Variants in BRWD3 observed in about 807,000 individuals in gnomAD.
BRWD3 encodes the protein bromodomain and WD repeat-containing protein 3.
BRWD3 carries 10 observed loss-of-function variants against 149.7 expected under a neutral mutation model. That is an observed-to-expected ratio of 0.07 (90% CI 0.04 to 0.11). BRWD3 has a LOEUF of 0.11. BRWD3 is among the 10% of genes least tolerant of loss of function. The pLI, the probability that BRWD3 is intolerant of heterozygous loss-of-function variation, is 1.00. For synonymous variants in BRWD3, 504 were observed against 456.7 expected (o/e 1.10, Z -1.32); for missense variants, 940 against 1,373.2 (o/e 0.68, Z 4.99).
chrX:80,704,952 C>A (rs2072841073), intron 22 of BRWD3, 106 bp from the exon 23 acceptor site: 1 of 850,268 alleles, frequency 1.2e-6, no homozygotes, highest in Non-Finnish European at 1.7e-6. Flanking sequence ...AATGACATGG[C>A]TGGATTTTTT....
chrX:80,804,440 G>A (rs2074330762), intron 4 of BRWD3, among the ~76,000 whole-genome samples: 1 of 110,943 alleles, frequency 9.0e-6, no homozygotes, highest in Non-Finnish European at 1.9e-5. Context: ...CTTTTGCCAT[G>A]TTGGCCAGGC....
intron 14 of BRWD3, among the ~76,000 whole-genome samples, chrX:80,727,104 T>C (rs2073262262): frequency 9.1e-6 from 1 of 109,629 alleles, no homozygotes; most frequent in Admixed American, 9.8e-5. Context: ...ATCAGTAATG[T>C]CTTAAAATTT....
At chrX:80,704,237 CTT>C (rs1265313803) in intron 23 of BRWD3, among the ~76,000 whole-genome samples, 2 of 67,427 alleles carry the variant, frequency 3.0e-5, no homozygotes, top group Non-Finnish European at 7.0e-5. Context: ...GACCCCATCT[CTT>C]TAAAAAAAAC....
intron 6 of BRWD3, among the ~76,000 whole-genome samples, chrX:80,770,686 T>G (rs1298368043): frequency 8.9e-6 from 1 of 111,979 alleles, no homozygotes; most frequent in African/African-American, 3.2e-5. Flanking sequence ...CTTTGAAAAC[T>G]GGGACAAGAC....
intron 2 of BRWD3, 66 bp from the exon 3 acceptor site, chrX:80,809,108 C>T (rs961033297): frequency 2.0e-5 from 23 of 1,159,590 alleles, no homozygotes; most frequent in Non-Finnish European, 2.3e-5. Flanking sequence ...TCCCTCCACA[C>T]TTAAAGCCCA....
chrX:80,760,108 C>T (rs966685115), intron 6 of BRWD3, among the ~76,000 whole-genome samples: 2 of 112,069 alleles, frequency 1.8e-5, no homozygotes, highest in Non-Finnish European at 3.8e-5. Flanking sequence ...TACTTTGTTA[C>T]TTCATACCTA....
chrX:80,723,818 T>C lies in BRWD3; in HGVS notation c.1580A>G (p.His527Arg). ...TCCATGAGAATCTGTGCAGGCAAAA[T>C]GGTTTCCATCTGGTGAAAATTTACA... ...FDCKFSPDGNHFACTDSHGHL... is the reference protein window; with the variant it reads ...FDCKFSPDGNRFACTDSHGHL... Residue 527 changes from histidine (H) to arginine (R), a missense_variant, in exon 16 of 41, where the codon CAT becomes CGT. By Grantham distance (29) the His-to-Arg change is conservative. Around this residue, in one of 6 missense-constraint regions of BRWD3, gnomAD observed 209 missense variants for 396.8 expected, o/e 0.53. Coordinates refer to ENST00000373275, the MANE Select transcript of BRWD3 (RefSeq NM_153252.5). 1.7e-6 allele frequency: 2 copies of C among 1,210,719 alleles called. No homozygotes were observed. The highest frequency in any genetic ancestry group is 2.2e-6 in the Non-Finnish European group (2 of 894,438).
intron 22 of BRWD3, 113 bp downstream of exon 22, chrX:80,707,313 CT>C: frequency 2.7e-6 from 2 of 744,245 alleles, no homozygotes; most frequent in Non-Finnish European, 4.0e-6. Context: ...CAGCCAATAC[CT>C]TTTCTACTAT....
At position 80,674,510 on chromosome X, in the gene BRWD3, G is replaced by A. The variant is rs891006112; in HGVS notation, c.*2099C>T. ...GTTACTTAGATCAGGATAAGCCAAAGTATTATTGATTTCAGGAATACAGGC... is the reference window on the plus strand; with the variant it reads ...GTTACTTAGATCAGGATAAGCCAAAATATTATTGATTTCAGGAATACAGGC... On this transcript the variant is annotated 3_prime_UTR_variant, in exon 41 of 41. Coordinates refer to ENST00000373275, the MANE Select transcript of BRWD3 (RefSeq NM_153252.5). 17 of 111,398 alleles carry A rather than the reference G, an allele frequency of 1.5e-4. No homozygotes were observed. The highest frequency in any genetic ancestry group is 5.5e-4 in the African/African-American group (17 of 30,699). The allele number at this position is 111,398 out of a possible 1,213,427, so 9.2% of individuals were successfully genotyped here. A position where few individuals can be genotyped will look rare whatever the true frequency, so the allele number is the denominator to read the frequency against.
chrX:80,770,944 C>T (rs1303855613), intron 6 of BRWD3, among the ~76,000 whole-genome samples: 1 of 111,400 alleles, frequency 9.0e-6, no homozygotes, highest in Non-Finnish European at 1.9e-5. Context: ...CACAAGCATC[C>T]CTATACACCA....
At chrX:80,729,729 G>C (rs1303975040) in intron 13 of BRWD3, among the ~76,000 whole-genome samples, 187 bp downstream of exon 13, 1 of 111,635 alleles carries the variant, frequency 9.0e-6, no homozygotes, top group African/African-American at 3.2e-5. Context: ...AATCAGCAAT[G>C]TTCCTGTCAT....
At chrX:80,786,936 C>T (rs781778590) in intron 6 of BRWD3, among the ~76,000 whole-genome samples, 132 of 110,580 alleles carry the variant, frequency 1.2e-3, no homozygotes, top group African/African-American at 4.1e-3. Context: ...TATTTGCAGA[C>T]AACAGGGTTA....
chrX:80,685,075 C>T (rs1050970773), intron 36 of BRWD3, among the ~76,000 whole-genome samples: 1 of 111,549 alleles, frequency 9.0e-6, no homozygotes, highest in Non-Finnish European at 1.9e-5. Flanking sequence ...TATTCTAACA[C>T]AGTATGGCTT....
rs11390755 is a variant in BRWD3, at chrX:80,715,212, TA to T, written c.2325+944del. 1.2e-3 allele frequency among the ~76,000 whole-genome samples: 119 copies of T among 98,362 alleles called. 1 individual carries two copies. Among genetic ancestry groups the T allele is most frequent in the East Asian group, 5.6e-3 (18 of 3,193 alleles). The allele number at this position is 98,362 out of a possible 115,157, so 85.4% of individuals were successfully genotyped here. On this transcript the variant is annotated intron_variant, in intron 20 of 40. Transcript: ENST00000373275. ...GTGTTCTGAGTCATTCAAAATCTCT[TA>T]AAAAAAAAAAAACTTACCAGAGAAC...
chrX:80,722,294 C>T (rs777701042), intron 17 of BRWD3, among the ~76,000 whole-genome samples: 1 of 112,103 alleles, frequency 8.9e-6, no homozygotes, highest in Non-Finnish European at 1.9e-5. Flanking sequence ...CAGCTTCATA[C>T]ATATATAAGG....
At chrX:80,741,235 G>A (rs2073492854) in intron 8 of BRWD3, among the ~76,000 whole-genome samples, 1 of 111,901 alleles carries the variant, frequency 8.9e-6, no homozygotes, top group African/African-American at 3.3e-5. Flanking sequence ...CAAAGGACAT[G>A]AACTCATCAC....
intron 6 of BRWD3, among the ~76,000 whole-genome samples, chrX:80,785,242 C>G (rs1211259410): frequency 2.7e-5 from 3 of 112,085 alleles, no homozygotes; most frequent in African/African-American, 6.5e-5. Flanking sequence ...GCTCAATTTT[C>G]TTCTTCTGAT....
intron 6 of BRWD3, among the ~76,000 whole-genome samples, chrX:80,785,142 G>A (rs1459460378): frequency 8.9e-6 from 1 of 112,353 alleles, no homozygotes; most frequent in East Asian, 2.8e-4. Context: ...AGGTGATAGT[G>A]TAAGACCTCA....
intron 11 of BRWD3, 135 bp downstream of exon 11, chrX:80,733,983 T>G: frequency 2.0e-6 from 1 of 506,404 alleles, no homozygotes; most frequent in Non-Finnish European, 3.6e-6. Flanking sequence ...GTATGTATAG[T>G]AGTAATGACA....
Sources: gnomAD v4.1 joint callset for allele counts (sites outside exome capture counted in the v4.1 genomes callset) on GRCh38, gnomAD v4.1.1 for gene constraint, gnomAD v4.1.1 regional missense constraint, MANE v1.5 for transcripts, NCBI Gene and HGNC (gene_info 2026-07-23, HGNC 2026-07-21) for gene names.